PCCA: variants seen among roughly 807,000 people sequenced by gnomAD.
PCCA encodes the protein propionyl-CoA carboxylase alpha chain, mitochondrial.
PCCA carries 74 observed loss-of-function variants against 101.3 expected under a neutral mutation model. That is an observed-to-expected ratio of 0.73 (90% CI 0.61 to 0.89). The LOEUF (loss-of-function observed/expected upper bound fraction) is 0.89. PCCA is among the 40% of genes least tolerant of loss of function. The pLI is 0.00. For synonymous variants in PCCA, 294 were observed against 313.6 expected (o/e 0.94, Z 0.66); for missense variants, 891 against 907.0 (o/e 0.98, Z 0.23).
At chr13:100,271,190 TATTA>T (rs1424510673) in intron 11 of PCCA, among the ~76,000 whole-genome samples, 1 of 152,208 alleles carries the variant, frequency 6.6e-6, no homozygotes. Flanking sequence ...GATGTTATGC[TATTA>T]ATTGTTAGTT....
chr13:100,439,764 C>A (rs768129216), intron 20 of PCCA, among the ~76,000 whole-genome samples: 2 of 152,012 alleles, frequency 1.3e-5, no homozygotes, highest in African/African-American at 2.4e-5. Flanking sequence ...GTGATTTCTT[C>A]TATCCACCTG....
At chr13:100,303,422 G>A (rs576768681) in intron 14 of PCCA, among the ~76,000 whole-genome samples, 1 of 152,140 alleles carries the variant, frequency 6.6e-6, no homozygotes, top group South Asian at 2.1e-4. Context: ...TTGAATTAAG[G>A]CAAACAAAGT....
intron 19 of PCCA, among the ~76,000 whole-genome samples, chr13:100,405,929 G>C (rs534061620): frequency 6.6e-6 from 1 of 152,102 alleles, no homozygotes; most frequent in South Asian, 2.1e-4. Context: ...ACCATGCCCA[G>C]CTAATTTTTG....
At chr13:100,281,122 G>A (rs2064077057) in intron 12 of PCCA, among the ~76,000 whole-genome samples, 2 of 152,190 alleles carry the variant, frequency 1.3e-5, no homozygotes, top group Admixed American at 1.3e-4. Context: ...CAGCATACAA[G>A]AGTAGTGTTG....
chr13:100,480,918 A>T (rs1218334301), intron 21 of PCCA: 1 of 152,282 alleles, frequency 6.6e-6, no homozygotes. Context: ...CGGGGGATCC[A>T]TGTCAAAATC....
chr13:100,295,203 A>G (rs2065433686), intron 12 of PCCA, among the ~76,000 whole-genome samples: 1 of 152,226 alleles, frequency 6.6e-6, no homozygotes, highest in African/African-American at 2.4e-5. Flanking sequence ...AAAGAGCAGA[A>G]TCTTTCTGAA....
chr13:100,337,814 C>T (rs867664153), intron 17 of PCCA, among the ~76,000 whole-genome samples: 1 of 152,138 alleles, frequency 6.6e-6, no homozygotes, highest in African/African-American at 2.4e-5. Context: ...GCATATGTGT[C>T]TAAAGAACTG....
At chr13:100,172,031 CAAAA>C (rs3034651) in intron 6 of PCCA, among the ~76,000 whole-genome samples, 2 of 100,800 alleles carry the variant, frequency 2.0e-5, no homozygotes. Flanking sequence ...GACTCTGTCT[CAAAA>C]AAAAAAAAAA....
chr13:100,246,833 A>G (rs953577770), intron 8 of PCCA, among the ~76,000 whole-genome samples: 1 of 151,610 alleles, frequency 6.6e-6, no homozygotes, highest in African/African-American at 2.4e-5. Flanking sequence ...TCAAATTATT[A>G]TATGCAATGT....
intron 4 of PCCA, chr13:100,154,607 A>G (rs1473243067): frequency 1.2e-5 from 4 of 323,798 alleles, no homozygotes; most frequent in Admixed American, 9.1e-5. Flanking sequence ...AGAACTGGGC[A>G]TGAGTGCTCT....
At chr13:100,339,956 T>C (rs1001699224) in intron 17 of PCCA, among the ~76,000 whole-genome samples, 1 of 152,192 alleles carries the variant, frequency 6.6e-6, no homozygotes, top group African/African-American at 2.4e-5. Context: ...AATATAAACT[T>C]CCCGTGAGCA....
rs2060761895 is a variant in PCCA, at chr13:100,235,773, T to G, written c.601-69T>G. On this transcript the variant is annotated intron_variant, in intron 7 of 23. Transcript: ENST00000376285. The stretch of plus-strand genomic sequence containing the variant: ...TCGGAGGAGACAGTAGTGCAATATA[T>G]GACTGCCCTAAAGACATTGTGCAAT... 5.0e-6 allele frequency: 5 copies of G among 995,802 alleles called. No individual in the cohort carries two copies. The Admixed American group carries it at 6.8e-5, about 13-fold the overall frequency. The allele number at this position is 995,802 out of a possible 1,614,324, so 61.7% of individuals were successfully genotyped here. A position where few individuals can be genotyped will look rare whatever the true frequency, so the allele number is the denominator to read the frequency against.
At chr13:100,396,079 T>G (rs114313704) in intron 19 of PCCA, among the ~76,000 whole-genome samples, 2,120 of 152,324 alleles carry the variant, frequency 0.014, 53 homozygotes, top group African/African-American at 0.049. Flanking sequence ...TTTAACGTTA[T>G]GCTGAAAACA....
At chr13:100,245,865 A>C (rs2061398318) in intron 8 of PCCA, among the ~76,000 whole-genome samples, 1 of 152,302 alleles carries the variant, frequency 6.6e-6, no homozygotes, top group African/African-American at 2.4e-5. Flanking sequence ...AATCCCTTGG[A>C]GGTAGACTCT....
intron 21 of PCCA, among the ~76,000 whole-genome samples, chr13:100,507,442 C>G (rs1284166138): frequency 6.6e-6 from 1 of 152,160 alleles, no homozygotes; most frequent in East Asian, 1.9e-4. Context: ...GAGGACTTCT[C>G]AGTGCCCTCC....
chr13:100,379,295 A>G lies in PCCA; in HGVS notation c.1746+10721A>G, dbSNP rs1371821965. Among the ~76,000 whole-genome samples, 3 of 152,082 alleles carry G rather than the reference A, an allele frequency of 2.0e-5. No individual in the cohort carries two copies. The East Asian group carries it at 5.8e-4, about 29-fold the overall frequency. ...GGTTTTCTGGGGACAAGGATGCCAC[A>G]TGGGCCACTCTTTGGGCCTAATGGT... On this transcript the variant is annotated intron_variant, in intron 19 of 23. Coordinates refer to ENST00000376285, the MANE Select transcript of PCCA (RefSeq NM_000282.4).
intron 4 of PCCA, among the ~76,000 whole-genome samples, chr13:100,125,160 T>C (rs2049834205): frequency 6.6e-6 from 1 of 151,958 alleles, no homozygotes; most frequent in South Asian, 2.1e-4. Context: ...TGTGTGTGTG[T>C]GTACTTGAGA....
chr13:100,217,555 G>A (rs1167212721), intron 7 of PCCA, among the ~76,000 whole-genome samples: 1 of 152,056 alleles, frequency 6.6e-6, no homozygotes, highest in African/African-American at 2.4e-5. Context: ...CCATGTTATA[G>A]CATGTATCAG....
Position 100,472,646 on chromosome 13 carries a change from G to A in PCCA, c.1899+23341G>A, listed in dbSNP as rs550199356. ...GCTTCCTCGGGAAAGGCAGTGCGTG[G>A]CTGGTTTGAATAATGATGGTGGGCT... On this transcript the variant is annotated intron_variant, in intron 21 of 23. Transcript: ENST00000376285. Among the ~76,000 whole-genome samples the A allele has an allele frequency of 3.9e-5, 6 of 152,200 alleles. 1 individual carries two copies. The highest frequency in any genetic ancestry group is 1.4e-4 in the African/African-American group (6 of 41,508).
Sources: allele counts gnomAD v4.1 joint callset (sites outside exome capture counted in the v4.1 genomes callset), GRCh38; gene constraint gnomAD v4.1.1; transcripts MANE v1.5; gene names NCBI Gene and HGNC (gene_info 2026-07-23, HGNC 2026-07-21).